The following SETD9 variants were observed in gnomAD, a reference collection of about 807,000 sequenced individuals.
SETD9 encodes SET domain containing 9, also known as SET domain-containing protein 9.
A neutral mutation model predicts 36.4 loss-of-function variants in SETD9; 37 were observed. The ratio of observed to expected loss-of-function variants is 1.02; its 90% CI spans 0.78 to 1.34. SETD9 has a LOEUF of 1.34. Ranked by LOEUF, SETD9 falls within the 40% of genes most tolerant of loss-of-function variation. The probability of loss-of-function intolerance (pLI) is 0.00; values close to 1 mark genes in which losing one functional copy is unlikely to be tolerated. For missense variants in SETD9, 323 were observed against 353.2 expected, an observed-to-expected ratio of 0.91 and a Z score of 0.69; for synonymous variants, 128 against 132.9, an observed-to-expected ratio of 0.96 and a Z score of 0.26.
At chr5:56,909,588 C>A, upstream of SETD9, 2 of 1,427,746 alleles carry the variant, frequency 1.4e-6, no homozygotes, top group Non-Finnish European at 1.9e-6. Flanking sequence ...CCGGGGCGGG[C>A]CCGAGGCCTC....
intron 5 of SETD9, among the ~76,000 whole-genome samples, chr5:56,924,555 T>C (rs702680): frequency 0.49 from 74,929 of 152,106 alleles, 20,978 homozygotes; most frequent in Non-Finnish European, 0.64. Flanking sequence ...TTAAGAACCC[T>C]TGGCAAATGG....
chr5:56,919,151 A>G (rs534881827), downstream of SETD9, among the ~76,000 whole-genome samples: 11 of 122,328 alleles, frequency 9.0e-5, no homozygotes, highest in South Asian at 2.6e-3. Context: ...TTTGAGATGG[A>G]GTCTCAGTCT....
chr5:56,923,832 C>A (rs1437581779), intron 5 of SETD9: 2 of 1,614,074 alleles, frequency 1.2e-6, no homozygotes, highest in Admixed American at 3.3e-5. Context: ...TCCATATAGT[C>A]CCTGAAAAAC....
At chr5:56,924,101 T>A (rs759257234) in intron 5 of SETD9, 11 of 1,564,802 alleles carry the variant, frequency 7.0e-6, no homozygotes, top group Non-Finnish European at 9.5e-6. Flanking sequence ...TTTAAGCAAC[T>A]TTTCTTTTCC....
intron 3 of SETD9, 103 bp from the exon 4 acceptor site, chr5:56,913,771 T>C: frequency 3.0e-6 from 2 of 672,762 alleles, no homozygotes; most frequent in South Asian, 4.2e-5. Context: ...GTCTTTTTTT[T>C]TTTTTTTTAA....
intron 5 of SETD9, chr5:56,923,608 TTAAG>T (rs774809518): frequency 6.8e-6 from 11 of 1,611,372 alleles, no homozygotes; most frequent in East Asian, 2.2e-5. Flanking sequence ...GGAAAATTGT[TTAAG>T]TAAGTGGTCC....
chr5:56,911,027 C>T, intron 1 of SETD9, 142 bp from the exon 2 acceptor site: 2 of 946,442 alleles, frequency 2.1e-6, no homozygotes, highest in Non-Finnish European at 3.0e-6. Context: ...TCAAACAATT[C>T]TTTTCTGAAC....
At chr5:56,910,055 G>A in intron 1 of SETD9, 1 of 1,292,804 alleles carries the variant, frequency 7.7e-7, no homozygotes, top group South Asian at 1.6e-5. Context: ...TGCGCTGCCG[G>A]GCCCGCGAGG....
At chr5:56,912,105 A>G (rs1423801678) in intron 2 of SETD9, 2 of 844,544 alleles carry the variant, frequency 2.4e-6, no homozygotes, top group Non-Finnish European at 2.9e-6. Context: ...CAGTGAGCCG[A>G]GATTGTGCCA....
At chr5:56,920,796 T>C (rs1375251371), downstream of SETD9, 1 of 152,398 alleles carries the variant, frequency 6.6e-6, no homozygotes, top group Non-Finnish European at 1.5e-5. Context: ...TAAAAAGATA[T>C]GAAGAATTTA....
At chr5:56,928,783 A>C, downstream of SETD9, 1 of 1,612,764 alleles carries the variant, frequency 6.2e-7, no homozygotes, top group Non-Finnish European at 8.5e-7. Flanking sequence ...CTTCTGTATA[A>C]GATGAAAATC....
At chr5:56,923,310 A>G (rs1749767997) in intron 5 of SETD9, 1 of 1,614,090 alleles carries the variant, frequency 6.2e-7, no homozygotes, top group African/African-American at 1.3e-5. Flanking sequence ...TTCATAAAGG[A>G]TTCAGGGACG....
chr5:56,911,355 A>T lies in SETD9; in HGVS notation c.285A>T (p.Gln95His). The T allele has an allele frequency of 6.2e-7, 1 of 1,612,002 alleles. No homozygotes were observed. Among genetic ancestry groups the T allele is most frequent in the Non-Finnish European group, 8.5e-7 (1 of 1,179,304 alleles). ...KYQDLLAVEH[Q>H]GVKLLENRHQ... ...AAGACCTACTGGCAGTTGAACATCA[A>T]GGGGTGAAACTGCTTGAAAACAGAC... is the stretch of plus-strand genomic sequence containing the variant. The change falls in exon 2 of 6, where the codon CAA becomes CAT. Residue 95 changes from glutamine (Q) to histidine (H), a missense_variant. Coordinates refer to ENST00000285947, the MANE Select transcript of SETD9 (RefSeq NM_153706.4).
chr5:56,909,266 C>A, upstream of SETD9: 1 of 180,876 alleles, frequency 5.5e-6, no homozygotes, highest in Non-Finnish European at 1.1e-5. Flanking sequence ...GGCCAGACAG[C>A]CGTGACAGAG....
Position 56,909,702 on chromosome 5 carries a change from C to T in SETD9, c.57C>T (p.Arg19=), listed in dbSNP as rs766637863. The T allele has an allele frequency of 4.3e-6, 7 of 1,611,360 alleles. No individual in the cohort carries two copies. The highest frequency in any genetic ancestry group is 1.7e-5 in the Admixed American group (1 of 59,954). ...LWQRWRRYKY[R]FVPWIALNLS... is the part of the protein sequence containing the mutation. The stretch of plus-strand genomic sequence containing the variant: ...AGCGATGGCGCCGTTACAAGTACCG[C>T]TTCGTTCCCTGGATCGCACTGAACC... Residue 19 remains arginine, a synonymous_variant, in exon 1 of 6, where the codon CGC becomes CGT. Transcript: ENST00000285947.
At chr5:56,923,562 C>A in intron 5 of SETD9, 1 of 1,613,840 alleles carries the variant, frequency 6.2e-7, no homozygotes, top group South Asian at 1.1e-5. Context: ...GGGTCGCAGA[C>A]GGTTGCTACA....
chr5:56,919,430 A>G (rs570176072), downstream of SETD9, among the ~76,000 whole-genome samples: 8 of 152,280 alleles, frequency 5.3e-5, 1 homozygote, highest in African/African-American at 1.9e-4. Context: ...TGGAAATTAT[A>G]GAGGATTTAA....
rs1336093693 is a variant in SETD9 at position 56,910,299 on chromosome 5, C to T, written c.98+556C>T. 11 of 1,304,094 alleles carry T rather than the reference C, an allele frequency of 8.4e-6. No individual in the cohort carries two copies. In the Admixed American group the frequency reaches 2.1e-4, roughly 25 times the overall value. 80.8% of individuals were successfully genotyped at this position (1,304,094 alleles called of 1,614,324 possible). ...AGTACTTCACGTGGTTAAAGAAGCC[C>T]ATCCCGGCTGTGAGAATAGCGTGCA... On this transcript the variant is annotated intron_variant, in intron 1 of 5. Transcript: ENST00000285947.
downstream of SETD9, among the ~76,000 whole-genome samples, chr5:56,927,381 C>T (rs1750044366): frequency 6.6e-6 from 1 of 152,154 alleles, no homozygotes; most frequent in African/African-American, 2.4e-5. Flanking sequence ...GTTAACTTTG[C>T]TGTAAACCTG....
Sources: allele counts gnomAD v4.1 joint callset (sites outside exome capture counted in the v4.1 genomes callset), GRCh38; gene constraint gnomAD v4.1.1; transcripts MANE v1.5; gene names NCBI Gene and HGNC (gene_info 2026-07-23, HGNC 2026-07-21).